The following BAALC variants were observed in gnomAD, a reference collection of about 807,000 sequenced individuals.
BAALC encodes the protein BAALC binder of MAP3K1 and KLF4, also known as brain and acute leukemia cytoplasmic protein.
In BAALC, 9 loss-of-function variants were observed where a neutral mutation model predicts 15.5. The ratio of observed to expected loss-of-function variants is 0.58; its 90% CI spans 0.35 to 1.02. The LOEUF (loss-of-function observed/expected upper bound fraction) is 1.02, where lower values mean the gene tolerates loss of function less well. BAALC is among the 50% of genes least tolerant of loss of function. The pLI is 0.02. For synonymous variants in BAALC, 80 were observed against 74.6 expected (o/e 1.07, Z -0.37); for missense variants, 201 against 192.4 (o/e 1.04, Z -0.27).
chr8:103,179,128 CTGTT>C (rs1369740982), intron 1 of BAALC, among the ~76,000 whole-genome samples: 1 of 152,184 alleles, frequency 6.6e-6, no homozygotes, highest in East Asian at 1.9e-4. Context: ...GAATTGTAAA[CTGTT>C]TGGCCCTAAT....
chr8:103,194,330 G>A (rs1000496681), intron 1 of BAALC, among the ~76,000 whole-genome samples: 1 of 152,204 alleles, frequency 6.6e-6, no homozygotes, highest in Admixed American at 6.5e-5. Context: ...AAGGATTAGG[G>A]AAAGTAGAGA....
chr8:103,164,945 C>T (rs759517844), intron 1 of BAALC, among the ~76,000 whole-genome samples: 1 of 152,138 alleles, frequency 6.6e-6, no homozygotes, highest in Non-Finnish European at 1.5e-5. Flanking sequence ...AAAAGGCTTG[C>T]CATTACTGTT....
intron 1 of BAALC, among the ~76,000 whole-genome samples, chr8:103,163,337 C>T (rs562987778): frequency 6.6e-6 from 1 of 152,250 alleles, no homozygotes; most frequent in East Asian, 1.9e-4. Context: ...GTTATCCTCC[C>T]AGTGGCTGCT....
In BAALC at chr8:103,228,291, T is replaced by C. The variant is rs2130108644; in HGVS notation, c.*192T>C. ...GACCTTCTGAGCCTTCTACTTATCA[T>C]GTAAATGTATTGGCACAGTGCTTAC... On this transcript the variant is annotated 3_prime_UTR_variant, in exon 3 of 3. Coordinates refer to ENST00000309982, the MANE Select transcript of BAALC (RefSeq NM_024812.3). 1.8e-6 allele frequency: 1 copy of C among 566,192 alleles called. No homozygotes were observed. Among genetic ancestry groups the C allele is most frequent in the East Asian group, 2.9e-5 (1 of 34,426 alleles). The allele number at this position is 566,192 out of a possible 1,614,324, so 35.1% of individuals were successfully genotyped here.
At position 103,175,750 on chromosome 8, in the gene BAALC, G is replaced by A. The variant is rs146131313; in HGVS notation, c.160+34693G>A. Among the ~76,000 whole-genome samples, 839 of 152,310 alleles carry A rather than the reference G, an allele frequency of 5.5e-3. 2 individuals are homozygous for A. The highest frequency in any genetic ancestry group is 0.019 in the African/African-American group (794 of 41,560). ...TGGAGCAAAGAGCTCGAACCCCAAGGTGGCTTTTGAGACAAGGGCTGGGTG... is the reference window on the plus strand; with the variant it reads ...TGGAGCAAAGAGCTCGAACCCCAAGATGGCTTTTGAGACAAGGGCTGGGTG... On this transcript the variant is annotated intron_variant, in intron 1 of 2. Transcript: ENST00000309982.
intron 1 of BAALC, among the ~76,000 whole-genome samples, chr8:103,169,369 T>C (rs138864039): frequency 2.6e-5 from 4 of 152,334 alleles, no homozygotes; most frequent in Non-Finnish European, 4.4e-5. Context: ...AGAGTTTGTT[T>C]ATTCAAGTTT....
chr8:103,152,544 G>A (rs995729753), intron 1 of BAALC, among the ~76,000 whole-genome samples: 15 of 152,092 alleles, frequency 9.9e-5, no homozygotes, highest in East Asian at 1.9e-4. Context: ...TGACTCTCTC[G>A]CTTCAAGAGG....
intron 1 of BAALC, among the ~76,000 whole-genome samples, chr8:103,152,293 G>A (rs564830805): frequency 3.2e-4 from 48 of 152,104 alleles, no homozygotes; most frequent in African/African-American, 1.1e-3. Context: ...TTCCGGCCAC[G>A]CTTGATTCCC....
chr8:103,193,257 G>T (rs1812014059), intron 1 of BAALC, among the ~76,000 whole-genome samples: 1 of 152,222 alleles, frequency 6.6e-6, no homozygotes. Context: ...GCAGCAATCT[G>T]CTCTGTAAAT....
At chr8:103,199,806 TCCCACCCTCCAC>T (rs1419292613) in intron 1 of BAALC, among the ~76,000 whole-genome samples, 12 of 118,100 alleles carry the variant, frequency 1.0e-4, no homozygotes, top group Non-Finnish European at 2.0e-4. Flanking sequence ...TTTTCCTCCC[TCCCACCCTCCAC>T]CCTCCAATAG....
chr8:103,149,646 A>G (rs1810943661), intron 1 of BAALC, among the ~76,000 whole-genome samples: 1 of 152,184 alleles, frequency 6.6e-6, no homozygotes, highest in African/African-American at 2.4e-5. Context: ...CTCAAAAACC[A>G]AGAAAAATTA....
chr8:103,177,189 TTTTG>T (rs1563644242), intron 1 of BAALC, among the ~76,000 whole-genome samples: 1 of 104,874 alleles, frequency 9.5e-6, no homozygotes, highest in African/African-American at 3.6e-5. Context: ...GTTGTTGTTG[TTTTG>T]TTTTTTTTTT....
chr8:103,191,280 G>A (rs1811962295), intron 1 of BAALC: 1 of 152,014 alleles, frequency 6.6e-6, no homozygotes, highest in Admixed American at 6.6e-5. Context: ...TTCTTAGGCT[G>A]ACCACCTTCT....
intron 2 of BAALC, chr8:103,213,688 A>C (rs1186989208): frequency 6.6e-6 from 1 of 152,654 alleles, no homozygotes; most frequent in Non-Finnish European, 1.5e-5. Context: ...GGGGCAGCCC[A>C]GAATGAGCGC....
chr8:103,206,170 C>T (rs761400788), intron 1 of BAALC, among the ~76,000 whole-genome samples: 1 of 152,256 alleles, frequency 6.6e-6, no homozygotes, highest in East Asian at 1.9e-4. Flanking sequence ...CTCCAGCCTT[C>T]CCAGAAACAC....
intron 1 of BAALC, chr8:103,165,382 A>G (rs527493661): frequency 6.6e-6 from 1 of 152,180 alleles, no homozygotes; most frequent in South Asian, 2.1e-4. Context: ...AAGACAACCC[A>G]AAATGCCCCT....
Position 103,141,042 on chromosome 8 carries a change from G to T in BAALC, c.145G>T (p.Gly49Cys). ...CGCCCCGGACAGCGGCCCCGAAGCG[G>T]GCGGCCTGCACTCGGGTAAGTGGCC... is the stretch of plus-strand genomic sequence containing the variant. ...AAAPDSGPEA[G>C]GLHSGMLEDG... is the part of the protein sequence containing the mutation. The change falls in exon 1 of 3, where the codon GGC becomes TGC. Residue 49 changes from glycine (G) to cysteine (C), a missense_variant. Transcript: ENST00000309982. 6.7e-7 allele frequency: 1 copy of T among 1,501,438 alleles called. No individual in the cohort carries two copies. The highest frequency in any genetic ancestry group is 8.9e-7 in the Non-Finnish European group (1 of 1,125,146). The allele number at this position is 1,501,438 out of a possible 1,614,324, so 93.0% of individuals were successfully genotyped here.
intron 1 of BAALC, among the ~76,000 whole-genome samples, chr8:103,148,587 C>T (rs1810921268): frequency 6.6e-6 from 1 of 152,180 alleles, no homozygotes; most frequent in African/African-American, 2.4e-5. Context: ...TGACTATAGT[C>T]ACCTTATTGT....
At chr8:103,183,223 T>C (rs866272097) in intron 1 of BAALC, 1 of 648,732 alleles carries the variant, frequency 1.5e-6, no homozygotes, top group South Asian at 1.8e-5. Flanking sequence ...AAATGGCTGT[T>C]GGGTGGACAC....
Sources: allele counts gnomAD v4.1 joint callset (sites outside exome capture counted in the v4.1 genomes callset), GRCh38; gene constraint gnomAD v4.1.1; transcripts MANE v1.5; gene names NCBI Gene and HGNC (gene_info 2026-07-23, HGNC 2026-07-21).